The following RIMS2 variants were observed in gnomAD, a reference collection of about 807,000 sequenced individuals.
The protein encoded by RIMS2 is regulating synaptic membrane exocytosis 2, also known as regulating synaptic membrane exocytosis protein 2.
A neutral mutation model predicts 174.4 loss-of-function variants in RIMS2; 59 were observed. The ratio of observed to expected loss-of-function variants is 0.34; its 90% CI spans 0.27 to 0.42. RIMS2 has a LOEUF of 0.42. Ranked by LOEUF, RIMS2 falls within the 10% of genes least tolerant of loss-of-function variation. The probability of loss-of-function intolerance (pLI) is 1.00; values close to 1 mark genes in which losing one functional copy is unlikely to be tolerated. For synonymous variants in RIMS2, 606 were observed against 572.5 expected, an observed-to-expected ratio of 1.06 and a Z score of -0.84; for missense variants, 1,620 against 1,666.3, an observed-to-expected ratio of 0.97 and a Z score of 0.48.
intron 3 of RIMS2, among the ~76,000 whole-genome samples, chr8:103,858,646 T>C (rs1227027555): frequency 6.6e-6 from 1 of 151,186 alleles, no homozygotes; most frequent in East Asian, 1.9e-4. Context: ...AGCTGAATAG[T>C]ATAGGAAACC....
chr8:104,136,004 T>G (rs1032544844), intron 19 of RIMS2, among the ~76,000 whole-genome samples: 3 of 152,236 alleles, frequency 2.0e-5, no homozygotes, highest in African/African-American at 7.2e-5. Context: ...GCACAAAGAC[T>G]ACTTTGATTA....
intron 3 of RIMS2, among the ~76,000 whole-genome samples, chr8:103,799,786 T>A (rs2098593304): frequency 6.6e-6 from 1 of 152,202 alleles, no homozygotes; most frequent in Non-Finnish European, 1.5e-5. Flanking sequence ...TTTGAAAAAA[T>A]TAGCTCCACA....
chr8:103,612,862 C>G (rs1363151364), intron 1 of RIMS2, among the ~76,000 whole-genome samples: 1 of 152,232 alleles, frequency 6.6e-6, no homozygotes, highest in Non-Finnish European at 1.5e-5. Context: ...AGCCACTGCA[C>G]CTGGCCAAGA....
intron 5 of RIMS2, among the ~76,000 whole-genome samples, chr8:103,911,803 A>G (rs2075727205): frequency 6.6e-6 from 1 of 152,166 alleles, no homozygotes; most frequent in Admixed American, 6.5e-5. Flanking sequence ...GTATTGTGTT[A>G]GAGAACTGTA....
In RIMS2 at chr8:103,957,184, C is replaced by T. The variant is rs150225566; in HGVS notation, c.2702-3881C>T. ...AAATTAGTTCAACCATTGTGGAAGA[C>T]AGTGTGACAATTCCTCAAGGATCTA... is the stretch of plus-strand genomic sequence containing the variant. On this transcript the variant is annotated intron_variant, in intron 14 of 23. Transcript: ENST00000504942. Among the ~76,000 whole-genome samples, 623 of 152,286 alleles carry T rather than the reference C, an allele frequency of 4.1e-3. 13 individuals are homozygous for T. Among genetic ancestry groups the T allele is most frequent in the Non-Finnish European group, 9.6e-4 (65 of 68,014 alleles).
intron 3 of RIMS2, among the ~76,000 whole-genome samples, chr8:103,770,631 A>G (rs949700565): frequency 3.3e-5 from 5 of 152,100 alleles, no homozygotes; most frequent in African/African-American, 4.8e-5. Context: ...AAGTTTGCCA[A>G]TCCCTGCCCT....
intron 4 of RIMS2, among the ~76,000 whole-genome samples, chr8:103,897,816 C>A (rs1023782084): frequency 6.6e-6 from 1 of 151,660 alleles, no homozygotes; most frequent in Admixed American, 6.6e-5. Flanking sequence ...TCTTTTCCCA[C>A]CATAGATGCT....
intron 3 of RIMS2, among the ~76,000 whole-genome samples, chr8:103,854,314 G>A (rs1186523839): frequency 1.3e-5 from 2 of 152,006 alleles, no homozygotes; most frequent in African/African-American, 4.8e-5. Flanking sequence ...GAGAGAGATA[G>A]ATTGACTTCT....
chr8:104,113,520 A>G (rs2098229453), intron 19 of RIMS2, among the ~76,000 whole-genome samples: 1 of 152,078 alleles, frequency 6.6e-6, no homozygotes, highest in South Asian at 2.1e-4. Flanking sequence ...TTGAGCATAT[A>G]TCTTACGCAT....
intron 14 of RIMS2, among the ~76,000 whole-genome samples, chr8:103,946,114 A>G (rs533030536): frequency 1.3e-5 from 2 of 152,334 alleles, no homozygotes; most frequent in Non-Finnish European, 2.9e-5. Context: ...AACTACTAGA[A>G]CTAATAAACA....
intron 7 of RIMS2, among the ~76,000 whole-genome samples, 192 bp downstream of exon 10, chr8:103,915,786 ACTTTAT>A (rs2076532425): frequency 6.6e-6 from 1 of 151,906 alleles, no homozygotes; most frequent in Admixed American, 6.6e-5. Context: ...TTTTTATTTG[ACTTTAT>A]CTTACTTTTT....
At chr8:103,717,921 T>A (rs2097394563) in intron 2 of RIMS2, among the ~76,000 whole-genome samples, 1 of 152,206 alleles carries the variant, frequency 6.6e-6, no homozygotes, top group Non-Finnish European at 1.5e-5. Flanking sequence ...AGAAACTGAA[T>A]TTTAAATTTT....
chr8:103,511,046 A>G (rs183936338), intron 1 of RIMS2, among the ~76,000 whole-genome samples: 2 of 152,266 alleles, frequency 1.3e-5, no homozygotes, highest in Admixed American at 1.3e-4. Flanking sequence ...ATTTTACTAT[A>G]TATGTTGTAC....
chr8:104,208,483 G>A lies in RIMS2; in HGVS notation c.3335-36433G>A, dbSNP rs140706330. 9.9e-3 allele frequency among the ~76,000 whole-genome samples: 1,505 copies of A among 151,924 alleles called. 21 individuals are homozygous for A. Among genetic ancestry groups the A allele is most frequent in the African/African-American group, 0.033 (1,353 of 41,410 alleles). On this transcript the variant is annotated intron_variant, in intron 19 of 23. Coordinates refer to ENST00000504942, the Ensembl canonical transcript of RIMS2. ...CTCGGGAGTCTGAGGCAGGAGAATC[G>A]CTTCAACCCGGGAGGCGGAAGTGGC...
chr8:103,949,256 T>G (rs1173224847), intron 14 of RIMS2, among the ~76,000 whole-genome samples: 1 of 151,952 alleles, frequency 6.6e-6, no homozygotes, highest in Non-Finnish European at 1.5e-5. Context: ...AGTAAGAGAT[T>G]TTAGTACTCC....
At chr8:103,670,008 G>C (rs1169049741) in intron 1 of RIMS2, among the ~76,000 whole-genome samples, 1 of 152,198 alleles carries the variant, frequency 6.6e-6, no homozygotes, top group African/African-American at 2.4e-5. Context: ...GTTCTTATGA[G>C]GGCCCTGCCC....
chr8:104,191,128 AC>A (rs368817772), intron 19 of RIMS2, among the ~76,000 whole-genome samples: 227 of 152,070 alleles, frequency 1.5e-3, no homozygotes, highest in African/African-American at 5.1e-3. Flanking sequence ...CTTATTTCCA[AC>A]AACAAAAATT....
intron 1 of RIMS2, among the ~76,000 whole-genome samples, chr8:103,511,044 A>G (rs140535814): frequency 5.3e-4 from 80 of 152,298 alleles, no homozygotes; most frequent in African/African-American, 1.8e-3. Flanking sequence ...ATATTTTACT[A>G]TATATGTTGT....
intron 1 of RIMS2, among the ~76,000 whole-genome samples, chr8:103,581,465 G>A (rs1308239404): frequency 1.3e-5 from 2 of 152,024 alleles, no homozygotes; most frequent in South Asian, 2.1e-4. Flanking sequence ...AATGTAGAAG[G>A]AACATAACTC....
Sources: gnomAD v4.1 joint callset for allele counts (sites outside exome capture counted in the v4.1 genomes callset) on GRCh38, gnomAD v4.1.1 for gene constraint, MANE v1.5 for transcripts, NCBI Gene and HGNC (gene_info 2026-07-23, HGNC 2026-07-21) for gene names.